Variants in PTPRD observed in about 807,000 individuals in gnomAD.
PTPRD encodes the protein protein tyrosine phosphatase receptor type D, also known as receptor-type tyrosine-protein phosphatase delta.
PTPRD carries 34 observed loss-of-function variants against 214.5 expected under a neutral mutation model. That is an observed-to-expected ratio of 0.16 (90% CI 0.12 to 0.21). The LOEUF is 0.21. PTPRD is among the 10% of genes least tolerant of loss of function. The pLI is 1.00. For synonymous variants in PTPRD, 1,128 were observed against 845.7 expected (o/e 1.33, Z -5.79); for missense variants, 2,545 against 2,398.7 (o/e 1.06, Z -1.27).
At chr9:10,072,428 C>T (rs888054251) in intron 3 of PTPRD, among the ~76,000 whole-genome samples, 2 of 152,018 alleles carry the variant, frequency 1.3e-5, no homozygotes, top group African/African-American at 2.4e-5. Flanking sequence ...TCGCAGTGAG[C>T]GTTATAGCTC....
intron 3 of PTPRD, among the ~76,000 whole-genome samples, chr9:10,101,060 G>C (rs1313110359): frequency 6.6e-6 from 1 of 151,624 alleles, no homozygotes; most frequent in Admixed American, 6.6e-5. Flanking sequence ...AGCCTGGCCA[G>C]AAACCTCAAA....
chr9:9,974,387 G>T (rs1001342201), intron 4 of PTPRD, among the ~76,000 whole-genome samples: 3 of 152,152 alleles, frequency 2.0e-5, no homozygotes, highest in Admixed American at 6.5e-5. Flanking sequence ...CTGCCCATGG[G>T]TTCATGTGGA....
chr9:9,182,854 C>T lies in PTPRD; in HGVS notation c.-143+450G>A, dbSNP rs533403774. On this transcript the variant is annotated intron_variant, in intron 10 of 45. Coordinates refer to ENST00000381196, the MANE Select transcript of PTPRD (RefSeq NM_002839.4). ...CTAATCTGTTTTCTCACTTTATTCC[C>T]TCATTAACAATAAATAGCTTTGTAG... Among the ~76,000 whole-genome samples, 26 of 151,826 alleles carry T rather than the reference C, an allele frequency of 1.7e-4. No individual in the cohort carries two copies. In the South Asian group the frequency reaches 3.5e-3, roughly 21 times the overall value.
intron 8 of PTPRD, among the ~76,000 whole-genome samples, chr9:9,505,865 T>C (rs1332587296): frequency 6.6e-6 from 1 of 151,428 alleles, no homozygotes; most frequent in African/African-American, 2.4e-5. Flanking sequence ...ACATGGGACA[T>C]TACAACACAA....
chr9:9,502,051 C>T (rs561061017), intron 8 of PTPRD, among the ~76,000 whole-genome samples: 28 of 151,806 alleles, frequency 1.8e-4, no homozygotes, highest in Admixed American at 5.3e-4. Flanking sequence ...AAACCACTAC[C>T]ACAATCGATG....
chr9:9,378,466 T>C (rs1186287266), intron 9 of PTPRD, among the ~76,000 whole-genome samples: 2 of 152,196 alleles, frequency 1.3e-5, no homozygotes, highest in Non-Finnish European at 2.9e-5. Context: ...CAATTATGAA[T>C]AATGCTGTTA....
chr9:9,412,207 A>G (rs1281461506), intron 8 of PTPRD, among the ~76,000 whole-genome samples: 1 of 151,950 alleles, frequency 6.6e-6, no homozygotes. Flanking sequence ...CAGACAAATG[A>G]CCCACTTTTA....
intron 9 of PTPRD, among the ~76,000 whole-genome samples, chr9:9,203,216 G>A (rs2099942895): frequency 6.6e-6 from 1 of 151,798 alleles, no homozygotes; most frequent in Non-Finnish European, 1.5e-5. Flanking sequence ...AGTGACAAGA[G>A]CGAGACTCCA....
At chr9:10,526,412 G>T (rs1038930240) in intron 2 of PTPRD, among the ~76,000 whole-genome samples, 4 of 151,916 alleles carry the variant, frequency 2.6e-5, no homozygotes, top group South Asian at 4.1e-4. Context: ...TATAATTACT[G>T]AAAATCATAC....
intron 3 of PTPRD, among the ~76,000 whole-genome samples, chr9:10,167,321 G>A (rs1172827581): frequency 6.6e-6 from 1 of 151,932 alleles, no homozygotes; most frequent in Non-Finnish European, 1.5e-5. Context: ...GGGCTCATGC[G>A]TGCACGTCTA....
intron 2 of PTPRD, among the ~76,000 whole-genome samples, chr9:10,524,270 C>A (rs749576868): frequency 2.0e-5 from 3 of 152,068 alleles, no homozygotes; most frequent in African/African-American, 7.2e-5. Context: ...CACACCACTA[C>A]CTGCAAGATT....
intron 11 of PTPRD, among the ~76,000 whole-genome samples, chr9:8,915,796 A>C (rs1357749128): frequency 2.0e-5 from 3 of 152,214 alleles, no homozygotes; most frequent in Admixed American, 2.0e-4. Flanking sequence ...GATGAGGCAC[A>C]TCCACATTAG....
At chr9:9,683,537 A>G (rs1262374207) in intron 7 of PTPRD, among the ~76,000 whole-genome samples, 1 of 151,754 alleles carries the variant, frequency 6.6e-6, no homozygotes, top group African/African-American at 2.4e-5. Context: ...AGAAGCGACA[A>G]TGCATATAAA....
At chr9:8,755,230 A>C (rs1324099457) in intron 11 of PTPRD, among the ~76,000 whole-genome samples, 1 of 144,224 alleles carries the variant, frequency 6.9e-6, no homozygotes, top group Non-Finnish European at 1.5e-5. Flanking sequence ...AAAAAAAAAA[A>C]AACAAAAAAA....
At chr9:9,872,669 CA>C (rs1244761645) in intron 5 of PTPRD, among the ~76,000 whole-genome samples, 1 of 152,084 alleles carries the variant, frequency 6.6e-6, no homozygotes, top group African/African-American at 2.4e-5. Flanking sequence ...GAGATAGATA[CA>C]CTTAAAGGAC....
Position 8,733,909 on chromosome 9 carries a change from T to C in PTPRD, c.-66A>G. On this transcript the variant is annotated 5_prime_UTR_variant, in exon 12 of 46. Coordinates refer to ENST00000381196, the MANE Select transcript of PTPRD (RefSeq NM_002839.4). ...ACTGCCTCCGGAGCCGCAGCGAGTC[T>C]GTCCGATCTGAAATTTCAGCTGGAA... is the stretch of plus-strand genomic sequence containing the variant. 6.8e-7 allele frequency: 1 copy of C among 1,480,998 alleles called. No homozygotes were observed. Among genetic ancestry groups the C allele is most frequent in the Non-Finnish European group, 9.2e-7 (1 of 1,090,258 alleles). The allele number at this position is 1,480,998 out of a possible 1,614,324, so 91.7% of individuals were successfully genotyped here.
intron 2 of PTPRD, among the ~76,000 whole-genome samples, chr9:10,507,651 T>G (rs1204053115): frequency 6.6e-6 from 1 of 152,044 alleles, no homozygotes; most frequent in Non-Finnish European, 1.5e-5. Context: ...ATCACACATC[T>G]ACAACCATCT....
chr9:9,395,162 T>G (rs571532860), intron 9 of PTPRD, among the ~76,000 whole-genome samples: 116 of 150,406 alleles, frequency 7.7e-4, no homozygotes, highest in Middle Eastern at 6.9e-3. Context: ...TCCCAGTTGA[T>G]GCTGACCCTC....
At chr9:8,561,606 G>GA in intron 14 of PTPRD, among the ~76,000 whole-genome samples, 1 of 152,284 alleles carries the variant, frequency 6.6e-6, no homozygotes, top group East Asian at 1.9e-4. Flanking sequence ...AGGTGGGGGT[G>GA]AGGGGGGGTG....
Sources: allele counts gnomAD v4.1 joint callset (sites outside exome capture counted in the v4.1 genomes callset), GRCh38; gene constraint gnomAD v4.1.1; transcripts MANE v1.5; gene names NCBI Gene and HGNC (gene_info 2026-07-23, HGNC 2026-07-21).